PTPRT: variants seen among roughly 807,000 people sequenced by gnomAD.
PTPRT encodes the protein protein tyrosine phosphatase receptor type T.
PTPRT carries 56 observed loss-of-function variants against 176.8 expected under a neutral mutation model. That is an observed-to-expected ratio of 0.32 (90% CI 0.26 to 0.40). The LOEUF is 0.40. Among genes scored for constraint, PTPRT ranks in the 10% least tolerant of loss-of-function variants. The pLI is 1.00. For synonymous variants in PTPRT, 783 were observed against 739.0 expected (o/e 1.06, Z -0.96); for missense variants, 1,540 against 1,908.2 (o/e 0.81, Z 3.60).
chr20:42,683,305 T>G (rs2075636370), intron 6 of PTPRT, among the ~76,000 whole-genome samples: 1 of 152,138 alleles, frequency 6.6e-6, no homozygotes, highest in South Asian at 2.1e-4. Context: ...TGAGACAGAG[T>G]CTCACCCTGT....
chr20:42,772,188 A>G (rs1411205244), intron 4 of PTPRT, among the ~76,000 whole-genome samples: 2 of 152,228 alleles, frequency 1.3e-5, no homozygotes, highest in African/African-American at 4.8e-5. Flanking sequence ...GGAAAGCACT[A>G]GTAGCTGTCA....
At chr20:42,323,016 C>T (rs377062364) in intron 11 of PTPRT, among the ~76,000 whole-genome samples, 9 of 151,816 alleles carry the variant, frequency 5.9e-5, no homozygotes, top group Non-Finnish European at 1.2e-4. Flanking sequence ...AAAATGCTCA[C>T]CATCACTGGC....
the PTPRT span, among the ~76,000 whole-genome samples, chr20:42,054,181 C>T: frequency 2.8e-3 from 426 of 152,316 alleles, 3 homozygotes; most frequent in South Asian, 0.021. Context: ...CAACAAGGCC[C>T]TACTATCTTG....
At chr20:42,544,253 C>G (rs1399373570) in intron 7 of PTPRT, among the ~76,000 whole-genome samples, 2 of 152,232 alleles carry the variant, frequency 1.3e-5, no homozygotes, top group Non-Finnish European at 2.9e-5. Context: ...CATCAATTAT[C>G]TTAGCTACAC....
chr20:42,217,620 T>C (rs2055806548), intron 15 of PTPRT, among the ~76,000 whole-genome samples: 1 of 152,140 alleles, frequency 6.6e-6, no homozygotes, highest in Non-Finnish European at 1.5e-5. Context: ...CTCAGCACTG[T>C]TGGTATTTTG....
rs144243130 is a variant in PTPRT at position 42,551,483 on chromosome 20, G to T, written c.1154-78921C>A. Among the ~76,000 whole-genome samples the T allele has an allele frequency of 9.2e-5, 14 of 152,258 alleles. 1 individual carries two copies. The highest frequency in any genetic ancestry group is 7.8e-4 in the Admixed American group (12 of 15,294). The stretch of plus-strand genomic sequence containing the variant: ...CCTACACTATTTTCTATAAAAATTT[G>T]AAATGGATGGCTAAACAGAGATTTT... On this transcript the variant is annotated intron_variant, in intron 7 of 30. Coordinates refer to ENST00000373187, the MANE Select transcript of PTPRT (RefSeq NM_007050.6).
At chr20:42,417,376 G>C (rs1311581544) in intron 9 of PTPRT, among the ~76,000 whole-genome samples, 1 of 151,910 alleles carries the variant, frequency 6.6e-6, no homozygotes, top group Non-Finnish European at 1.5e-5. Flanking sequence ...CTATATATAT[G>C]TTGTTCTTCA....
Position 42,479,612 on chromosome 20 carries a change from C to T in PTPRT, c.1154-7050G>A, listed in dbSNP as rs531142733. Reference sequence around the variant, plus strand: ...TTCCACCACCTCTTCTAATTTATTGCAGATGTTTGGTGGACAAGAATTTGT... The same window carrying T: ...TTCCACCACCTCTTCTAATTTATTGTAGATGTTTGGTGGACAAGAATTTGT... On this transcript the variant is annotated intron_variant, in intron 7 of 30. Coordinates refer to ENST00000373187, the MANE Select transcript of PTPRT (RefSeq NM_007050.6). Among the ~76,000 whole-genome samples, 7 of 152,306 alleles carry T rather than the reference C, an allele frequency of 4.6e-5. No homozygotes were observed. The East Asian group carries it at 1.3e-3, about 29-fold the overall frequency.
At chr20:42,268,063 C>A (rs891383650) in intron 13 of PTPRT, among the ~76,000 whole-genome samples, 1 of 152,178 alleles carries the variant, frequency 6.6e-6, no homozygotes, top group African/African-American at 2.4e-5. Context: ...TCCTGCAGCT[C>A]TCTGAGTTGG....
chr20:42,336,223 A>G (rs1395163245), intron 11 of PTPRT, among the ~76,000 whole-genome samples: 1 of 152,232 alleles, frequency 6.6e-6, no homozygotes, highest in African/African-American at 2.4e-5. Flanking sequence ...ATTTAACAAA[A>G]AACTGTGGCT....
intron 7 of PTPRT, among the ~76,000 whole-genome samples, chr20:42,603,744 A>T (rs2073823913): frequency 6.6e-6 from 1 of 152,206 alleles, no homozygotes; most frequent in African/African-American, 2.4e-5. Context: ...GTTAGACCTC[A>T]AAGCTTCACT....
At chr20:42,039,208 T>C in the PTPRT span, among the ~76,000 whole-genome samples, 2 of 152,212 alleles carry the variant, frequency 1.3e-5, no homozygotes, top group Admixed American at 6.5e-5. Flanking sequence ...ATTTTAAAAA[T>C]GTTTATTTTA....
chr20:42,240,594 G>C (rs4140521), intron 14 of PTPRT, among the ~76,000 whole-genome samples: 90,319 of 151,976 alleles, frequency 0.59, 27,312 homozygotes, highest in African/African-American at 0.67. Flanking sequence ...TCTATCTAAC[G>C]ACCCATTTAA....
At chr20:42,662,277 T>C (rs959858934) in intron 7 of PTPRT, among the ~76,000 whole-genome samples, 2 of 152,132 alleles carry the variant, frequency 1.3e-5, no homozygotes, top group Admixed American at 6.5e-5. Flanking sequence ...AGTGAGCCCC[T>C]AGGTGTTAAA....
chr20:42,886,115 A>G (rs1167144035), intron 1 of PTPRT, among the ~76,000 whole-genome samples, 183 bp from the exon 2 acceptor site: 1 of 152,022 alleles, frequency 6.6e-6, no homozygotes, highest in African/African-American at 2.4e-5. Context: ...TGGTGCTCTC[A>G]GGAAAGGCAC....
chr20:42,120,066 T>TCATTTTGCC, intron 19 of PTPRT, 95 bp from the exon 20 acceptor site: 3 of 1,159,906 alleles, frequency 2.6e-6, no homozygotes, highest in Non-Finnish European at 3.7e-6. Flanking sequence ...CTTGATTTTC[T>TCATTTTGCC]CATGGGCAAA....
chr20:42,200,065 C>CACAA (rs1218827793), intron 15 of PTPRT, among the ~76,000 whole-genome samples: 3 of 141,644 alleles, frequency 2.1e-5, no homozygotes, highest in Non-Finnish European at 3.1e-5. Flanking sequence ...AAAAAATACA[C>CACAA]ACACACACAC....
chr20:42,309,724 T>C (rs2057598075), intron 12 of PTPRT, among the ~76,000 whole-genome samples: 1 of 152,196 alleles, frequency 6.6e-6, no homozygotes, highest in African/African-American at 2.4e-5. Flanking sequence ...TCTCATTCTT[T>C]CATTAATCCA....
intron 17 of PTPRT, among the ~76,000 whole-genome samples, chr20:42,154,593 T>C (rs1989270179): frequency 6.6e-6 from 1 of 152,248 alleles, no homozygotes; most frequent in African/African-American, 2.4e-5. Flanking sequence ...CAGTACCTTC[T>C]GGTTGCCCTA....
Sources: allele counts gnomAD v4.1 joint callset (sites outside exome capture counted in the v4.1 genomes callset), GRCh38; gene constraint gnomAD v4.1.1; transcripts MANE v1.5; gene names NCBI Gene and HGNC (gene_info 2026-07-23, HGNC 2026-07-21).